The following ST8SIA3 variants were observed in gnomAD, a reference collection of about 807,000 sequenced individuals.
The protein encoded by ST8SIA3 is alpha-N-acetylneuraminate alpha-2,8-sialyltransferase ST8SIA3.
ST8SIA3 carries 17 observed loss-of-function variants against 34.5 expected under a neutral mutation model. The ratio of observed to expected loss-of-function variants is 0.49; its 90% CI spans 0.34 to 0.74. The LOEUF (loss-of-function observed/expected upper bound fraction) is 0.74. Among genes scored for constraint, ST8SIA3 ranks in the 30% least tolerant of loss-of-function variants. The pLI is 0.01. For synonymous variants in ST8SIA3, 172 were observed against 176.1 expected (o/e 0.98, Z 0.19); for missense variants, 354 against 467.8 (o/e 0.76, Z 2.24).
At chr18:57,355,833 C>T (rs894821161) in intron 2 of ST8SIA3, among the ~76,000 whole-genome samples, 3 of 152,172 alleles carry the variant, frequency 2.0e-5, no homozygotes, top group Non-Finnish European at 4.4e-5. Flanking sequence ...TTACCAGTAG[C>T]ATTTTAAATC....
At chr18:57,357,868 C>G (rs1225466618) in intron 3 of ST8SIA3, among the ~76,000 whole-genome samples, 1 of 152,148 alleles carries the variant, frequency 6.6e-6, no homozygotes, top group East Asian at 1.9e-4. Flanking sequence ...AGAAACGATG[C>G]AGTTGACTTA....
chr18:57,368,212 GAAGTC>G lies in ST8SIA3; in HGVS notation c.*7939_*7943del, dbSNP rs2049871449. On this transcript the variant is annotated 3_prime_UTR_variant, in exon 4 of 4. Transcript: ENST00000324000. ...CAATTAATTGTGAAAGCATTAATTA[GAAGTC>G]AAGACAAAAGAATGTTTGTGATATC... 1 of 152,196 alleles carries G rather than the reference GAAGTC, an allele frequency of 6.6e-6. No individual in the cohort carries two copies. The highest frequency in any genetic ancestry group is 1.5e-5 in the Non-Finnish European group (1 of 68,038). The allele number at this position is 152,196 out of a possible 1,614,324, so 9.4% of individuals were successfully genotyped here.
Position 57,361,711 on chromosome 18 carries a change from C to G in ST8SIA3, c.*1434C>G, listed in dbSNP as rs981383795. The G allele has an allele frequency of 6.6e-6, 1 of 152,580 alleles. No individual in the cohort carries two copies. Among genetic ancestry groups the G allele is most frequent in the Non-Finnish European group, 1.5e-5 (1 of 68,040 alleles). 9.5% of individuals were successfully genotyped at this position (152,580 alleles called of 1,614,324 possible). On this transcript the variant is annotated 3_prime_UTR_variant, in exon 4 of 4. Transcript: ENST00000324000. ...CAGCACTTTGTTCTTCCAATTCAGC[C>G]CAACGTCTGGCCAAGTTGATGTTAA...
intron 2 of ST8SIA3, 49 bp from the exon 3 acceptor site, chr18:57,356,864 A>G (rs2049800444): frequency 8.2e-7 from 1 of 1,225,100 alleles, no homozygotes; most frequent in African/African-American, 1.5e-5. Context: ...AAGATGGAAA[A>G]TCAGTTCTTC....
rs934288064 is a variant in ST8SIA3 at position 57,362,094 on chromosome 18, C to G, written c.*1817C>G. The G allele has an allele frequency of 1.3e-5, 2 of 152,106 alleles. No homozygotes were observed. The highest frequency in any genetic ancestry group is 4.8e-5 in the African/African-American group (2 of 41,430). 9.4% of individuals were successfully genotyped at this position (152,106 alleles called of 1,614,324 possible). A position where few individuals can be genotyped will look rare whatever the true frequency, so the allele number is the denominator to read the frequency against. ...GAAACACCAAGTTCAAATGTGTTAC[C>G]AATTATGACACACATTACAATATAA... On this transcript the variant is annotated 3_prime_UTR_variant, in exon 4 of 4. Transcript: ENST00000324000.
rs2049862709 is a variant in ST8SIA3, at chr18:57,366,694, C to T, written c.*6417C>T. On this transcript the variant is annotated 3_prime_UTR_variant, in exon 4 of 4. Transcript: ENST00000324000. ...CAGGGGACACCCAGTAAACATCACG[C>T]TGAGAGTTTAAGTTGCACTCAACTG... 6.6e-6 allele frequency: 1 copy of T among 152,224 alleles called. No individual in the cohort carries two copies. The allele number at this position is 152,224 out of a possible 1,614,324, so 9.4% of individuals were successfully genotyped here.
rs1437190398 is a variant in ST8SIA3 at position 57,367,230 on chromosome 18, T to C, written c.*6953T>C. On this transcript the variant is annotated 3_prime_UTR_variant, in exon 4 of 4. Transcript: ENST00000324000. ...GGTTCTGTAAGGCATTTCTAAACTG[T>C]AAATGCTTGAAACGCAAGTTGGACA... 1 of 152,244 alleles carries C rather than the reference T, an allele frequency of 6.6e-6. No individual in the cohort carries two copies. The highest frequency in any genetic ancestry group is 2.4e-5 in the African/African-American group (1 of 41,468). The allele number at this position is 152,244 out of a possible 1,614,324, so 9.4% of individuals were successfully genotyped here. A position where few individuals can be genotyped will look rare whatever the true frequency, so the allele number is the denominator to read the frequency against.
Position 57,363,517 on chromosome 18 carries a change from C to G in ST8SIA3, c.*3240C>G, listed in dbSNP as rs560790746. The G allele has an allele frequency of 6.6e-6, 1 of 152,396 alleles. No homozygotes were observed. The highest frequency in any genetic ancestry group is 2.4e-5 in the African/African-American group (1 of 41,564). 9.4% of individuals were successfully genotyped at this position (152,396 alleles called of 1,614,324 possible). On this transcript the variant is annotated 3_prime_UTR_variant, in exon 4 of 4. Transcript: ENST00000324000. ...CTGTCTGTGACCTTGATGTCAGGTA[C>G]CTGGCCATGGGGCTACCAGCAAGGA... is the stretch of plus-strand genomic sequence containing the variant.
chr18:57,353,622 GC>G (rs2049779713), intron 1 of ST8SIA3, among the ~76,000 whole-genome samples: 1 of 148,724 alleles, frequency 6.7e-6, no homozygotes. Context: ...CAATTCCCCC[GC>G]CCCCTGCGGG....
In ST8SIA3 at chr18:57,365,456, A is replaced by G. The variant is rs753808026; in HGVS notation, c.*5179A>G. ...AAGACAAGGTGGAGAGCAAGCTTTA[A>G]TATACACTTTGTCTCAAGGCCAGCT... On this transcript the variant is annotated 3_prime_UTR_variant, in exon 4 of 4. Transcript: ENST00000324000. The G allele has an allele frequency of 6.6e-6, 1 of 152,212 alleles. No homozygotes were observed. The highest frequency in any genetic ancestry group is 1.5e-5 in the Non-Finnish European group (1 of 68,028). The allele number at this position is 152,212 out of a possible 1,614,324, so 9.4% of individuals were successfully genotyped here.
In ST8SIA3 at chr18:57,357,208, G is replaced by A; in HGVS notation, c.598G>A (p.Asp200Asn). 2 of 1,614,122 alleles carry A rather than the reference G, an allele frequency of 1.2e-6. No individual in the cohort carries two copies. Among genetic ancestry groups the A allele is most frequent in the Non-Finnish European group, 1.7e-6 (2 of 1,179,994 alleles). The change falls in exon 3 of 4, where the codon GAT (aspartate) becomes AAT (asparagine). Residue 200 changes from aspartate (D) to asparagine (N), a missense_variant. Asp to Asn is a conservative substitution (Grantham distance 23). Around this residue, in one of 3 missense-constraint regions of ST8SIA3, gnomAD observed 166 missense variants for 245.2 expected, o/e 0.68. Coordinates refer to ENST00000324000, the MANE Select transcript of ST8SIA3 (RefSeq NM_015879.3). ...CGCCCCTACGGAGGCTTTCCAAAGAGATGTTGGAAGAAAAACCAATCTTAC... is the reference window on the plus strand; with the variant it reads ...CGCCCCTACGGAGGCTTTCCAAAGAAATGTTGGAAGAAAAACCAATCTTAC... ...NFAPTEAFQR[D>N]VGRKTNLTTF...
At position 57,368,135 on chromosome 18, in the gene ST8SIA3, C is replaced by T. The variant is rs998907595; in HGVS notation, c.*7858C>T. The T allele has an allele frequency of 6.6e-6, 1 of 152,204 alleles. No homozygotes were observed. The highest frequency in any genetic ancestry group is 2.4e-5 in the African/African-American group (1 of 41,456). The allele number at this position is 152,204 out of a possible 1,614,324, so 9.4% of individuals were successfully genotyped here. A position where few individuals can be genotyped will look rare whatever the true frequency, so the allele number is the denominator to read the frequency against. ...AATTAGAGTCTGGGTCTCCCAACCA[C>T]TGATTCTGCTACACCACACTGTGCT... is the stretch of plus-strand genomic sequence containing the variant. On this transcript the variant is annotated 3_prime_UTR_variant, in exon 4 of 4. Transcript: ENST00000324000.
chr18:57,353,438 G>A (rs1176710871), intron 1 of ST8SIA3, among the ~76,000 whole-genome samples: 4 of 152,074 alleles, frequency 2.6e-5, no homozygotes, highest in Non-Finnish European at 5.9e-5. Flanking sequence ...CCGGGCCCGG[G>A]GCGGTGCTGG....
At chr18:57,355,493 G>C (rs1376856881) in intron 2 of ST8SIA3, among the ~76,000 whole-genome samples, 2 of 152,130 alleles carry the variant, frequency 1.3e-5, no homozygotes, top group African/African-American at 2.4e-5. Context: ...TGAAAATACT[G>C]TTCAGATGAA....
chr18:57,354,619 C>T, intron 2 of ST8SIA3, 95 bp downstream of exon 2: 1 of 1,466,042 alleles, frequency 6.8e-7, no homozygotes, highest in Non-Finnish European at 9.3e-7. Context: ...ACATCTAAAA[C>T]AACAAACATC....
rs113039733 is a variant in ST8SIA3, at chr18:57,352,986, C to G, written c.140C>G (p.Pro47Arg). The change falls in exon 1 of 4, where the codon CCG (proline) becomes CGG (arginine). Residue 47 changes from proline to arginine, a missense_variant. By Grantham distance (103) the Pro-to-Arg change is moderately radical (BLOSUM62 -2). Coordinates refer to ENST00000324000, the MANE Select transcript of ST8SIA3 (RefSeq NM_015879.3). ...TTCACCACTCCCAAGTACGCCAGCC[C>G]GGGGGCGCCCCGAATGTACATGTTC... ...NIFTTPKYAS[P>R]GAPRMYMFHA... The G allele has an allele frequency of 6.2e-7, 1 of 1,611,790 alleles. No individual in the cohort carries two copies. The highest frequency in any genetic ancestry group is 8.5e-7 in the Non-Finnish European group (1 of 1,179,970).
Position 57,363,649 on chromosome 18 carries a change from A to G in ST8SIA3, c.*3372A>G, listed in dbSNP as rs2049845006. ...AGAAACCTAATTTGGTGGGGAAGCC[A>G]AGGAATGGGAGAACGTTTTTTCTGA... On this transcript the variant is annotated 3_prime_UTR_variant, in exon 4 of 4. Transcript: ENST00000324000. The G allele has an allele frequency of 6.6e-6, 1 of 152,264 alleles. No homozygotes were observed. Among genetic ancestry groups the G allele is most frequent in the African/African-American group, 2.4e-5 (1 of 41,460 alleles). 9.4% of individuals were successfully genotyped at this position (152,264 alleles called of 1,614,324 possible).
At position 57,352,888 on chromosome 18, in the gene ST8SIA3, G is replaced by A. The variant is rs553404411; in HGVS notation, c.42G>A (p.Gly14=). The A allele has an allele frequency of 6.2e-7, 1 of 1,613,766 alleles. No homozygotes were observed. The highest frequency in any genetic ancestry group is 8.5e-7 in the Non-Finnish European group (1 of 1,179,978). ...TGGCCCGGGTCGCCAGTGTGCTGGG[G>A]CTGGTCATGCTCAGCGTCGCCCTGC... ...CKMARVASVL[G]LVMLSVALLI... is the part of the protein sequence containing the mutation. The change falls in exon 1 of 4, where the codon GGG becomes GGA. Residue 14 remains glycine, a synonymous_variant. Transcript: ENST00000324000.
In ST8SIA3 at chr18:57,360,413, T is replaced by G. The variant is rs925180409; in HGVS notation, c.*136T>G. 2 of 884,172 alleles carry G rather than the reference T, an allele frequency of 2.3e-6. No homozygotes were observed. The highest frequency in any genetic ancestry group is 3.4e-6 in the Non-Finnish European group (2 of 596,028). 54.8% of individuals were successfully genotyped at this position (884,172 alleles called of 1,614,324 possible). On this transcript the variant is annotated 3_prime_UTR_variant, in exon 4 of 4. Coordinates refer to ENST00000324000, the MANE Select transcript of ST8SIA3 (RefSeq NM_015879.3). The stretch of plus-strand genomic sequence containing the variant: ...TAAAAGGAAAGATGTCTTTTCTCTT[T>G]TGCACTGCTCTTTTAAGAGTTTTAG...
Sources: allele counts gnomAD v4.1 joint callset (sites outside exome capture counted in the v4.1 genomes callset), GRCh38; gene constraint gnomAD v4.1.1; regional missense constraint gnomAD v4.1.1; transcripts MANE v1.5; gene names NCBI Gene and HGNC (gene_info 2026-07-23, HGNC 2026-07-21).